Variants in PTPRR observed in about 807,000 individuals in gnomAD.
PTPRR encodes receptor-type tyrosine-protein phosphatase R.
In PTPRR, 38 loss-of-function variants were observed where a neutral mutation model predicts 77.2. That is an observed-to-expected ratio of 0.49 (90% CI 0.38 to 0.65). The LOEUF (loss-of-function observed/expected upper bound fraction) is 0.65. Among genes scored for constraint, PTPRR ranks in the 30% least tolerant of loss-of-function variants. The probability of loss-of-function intolerance (pLI) is 0.00; values close to 1 mark genes in which losing one functional copy is unlikely to be tolerated. For missense variants in PTPRR, 744 were observed against 799.2 expected (o/e 0.93, Z 0.83); for synonymous variants, 299 against 283.1 (o/e 1.06, Z -0.57).
In PTPRR at chr12:70,908,647, G is replaced by A. The variant is rs117069840; in HGVS notation, c.58+11686C>T. On this transcript the variant is annotated intron_variant, in intron 1 of 13. Coordinates refer to ENST00000283228, the MANE Select transcript of PTPRR (RefSeq NM_002849.4). The stretch of plus-strand genomic sequence containing the variant: ...GAACTACAATTCAAGATGAGACTTG[G>A]GTGAGGACACAGCCAAACCGTATCA... 2.9e-4 allele frequency among the ~76,000 whole-genome samples: 44 copies of A among 152,240 alleles called. No homozygotes were observed. In the East Asian group the frequency reaches 7.5e-3, roughly 26 times the overall value.
chr12:70,769,089 A>C (rs1455123856), intron 2 of PTPRR, among the ~76,000 whole-genome samples: 2 of 134,924 alleles, frequency 1.5e-5, no homozygotes, highest in Non-Finnish European at 3.1e-5. Flanking sequence ...ATTCCCTTTG[A>C]AAACTGGCAC....
intron 1 of PTPRR, among the ~76,000 whole-genome samples, chr12:70,902,363 A>G (rs894031600): frequency 1.3e-5 from 2 of 151,972 alleles, no homozygotes; most frequent in Admixed American, 6.6e-5. Flanking sequence ...ATACTTGCAA[A>G]CACACGTTTA....
intron 6 of PTPRR, among the ~76,000 whole-genome samples, chr12:70,701,869 A>G (rs1415127212): frequency 6.6e-6 from 1 of 152,096 alleles, no homozygotes; most frequent in Non-Finnish European, 1.5e-5. Flanking sequence ...GCTACTAGGG[A>G]GGCTGAGGTG....
chr12:70,655,032 T>A (rs74101521), intron 13 of PTPRR, among the ~76,000 whole-genome samples: 1 of 152,230 alleles, frequency 6.6e-6, no homozygotes, highest in African/African-American at 2.4e-5. Flanking sequence ...TGAAGCAGCA[T>A]CTGTCCACTT....
rs1482217664 is a variant in PTPRR at position 70,859,407 on chromosome 12, T to C, written c.357+33272A>G. ...AGGGTTGACAACTACTGACATAGAG[T>C]CCAAAGAGAAGTTGTTTGTTGTTAA... On this transcript the variant is annotated intron_variant, in intron 2 of 13. Transcript: ENST00000283228. Among the ~76,000 whole-genome samples, 4 of 152,058 alleles carry C rather than the reference T, an allele frequency of 2.6e-5. 1 individual carries two copies. Among genetic ancestry groups the C allele is most frequent in the Middle Eastern group, 6.8e-3 (2 of 294 alleles).
intron 2 of PTPRR, among the ~76,000 whole-genome samples, chr12:70,889,062 C>T (rs1000619165): frequency 2.6e-5 from 4 of 152,122 alleles, no homozygotes; most frequent in Non-Finnish European, 5.9e-5. Context: ...AAAGTGTTGG[C>T]ATTTGAACCA....
chr12:70,676,744 T>C (rs1285059326), intron 10 of PTPRR, among the ~76,000 whole-genome samples: 1 of 152,066 alleles, frequency 6.6e-6, no homozygotes, highest in Non-Finnish European at 1.5e-5. Flanking sequence ...CTGGGCTCTA[T>C]GTTCCATATT....
At chr12:70,733,752 T>C (rs536544763) in intron 6 of PTPRR, among the ~76,000 whole-genome samples, 6 of 152,222 alleles carry the variant, frequency 3.9e-5, no homozygotes, top group Non-Finnish European at 7.3e-5. Context: ...TATAAATAAA[T>C]TGAAGTGTAT....
At chr12:70,756,454 A>G (rs1209310066) in intron 4 of PTPRR, among the ~76,000 whole-genome samples, 3 of 152,264 alleles carry the variant, frequency 2.0e-5, no homozygotes, top group Non-Finnish European at 4.4e-5. Flanking sequence ...TCACAAATCA[A>G]AAGACTATAA....
At chr12:70,655,815 C>T (rs1886555113) in intron 13 of PTPRR, among the ~76,000 whole-genome samples, 1 of 152,124 alleles carries the variant, frequency 6.6e-6, no homozygotes. Flanking sequence ...GGTTGTACAA[C>T]AATGTGAATG....
chr12:70,678,743 A>G (rs1329173110), intron 10 of PTPRR, among the ~76,000 whole-genome samples: 1 of 152,064 alleles, frequency 6.6e-6, no homozygotes, highest in Non-Finnish European at 1.5e-5. Flanking sequence ...GTGCAGTGGC[A>G]TGATCTCAGC....
chr12:70,812,496 G>T (rs1383672057), intron 2 of PTPRR, among the ~76,000 whole-genome samples: 2 of 152,314 alleles, frequency 1.3e-5, no homozygotes, highest in East Asian at 3.9e-4. Context: ...CAAGGAATAG[G>T]TTTATTTTCT....
chr12:70,761,787 G>A (rs1054519715), intron 3 of PTPRR, among the ~76,000 whole-genome samples, 161 bp from the exon 4 acceptor site: 3 of 152,138 alleles, frequency 2.0e-5, no homozygotes, highest in African/African-American at 7.2e-5. Context: ...TAGACTTAAT[G>A]TTACCAGTCC....
intron 2 of PTPRR, among the ~76,000 whole-genome samples, chr12:70,794,116 T>C (rs1285724696): frequency 2.6e-5 from 4 of 152,210 alleles, no homozygotes; most frequent in Non-Finnish European, 4.4e-5. Flanking sequence ...ACTTTGTCTC[T>C]AGAATCCCCC....
intron 10 of PTPRR, among the ~76,000 whole-genome samples, chr12:70,677,999 A>G (rs538672436): frequency 6.6e-6 from 1 of 152,080 alleles, no homozygotes; most frequent in African/African-American, 2.4e-5. Context: ...TGTTTGGTAG[A>G]ATTCATTGGT....
At position 70,892,726 on chromosome 12, in the gene PTPRR, G is replaced by A. The variant is rs1175315105; in HGVS notation, c.310C>T (p.Leu104Phe). 6.2e-7 allele frequency: 1 copy of A among 1,613,296 alleles called. No homozygotes were observed. The highest frequency in any genetic ancestry group is 1.3e-5 in the African/African-American group (1 of 74,880). ...GGGATTGGGAGATTTTCCACTTCAA[G>A]ATCTTGACCATCCATGGCCAGCAGA... is the stretch of plus-strand genomic sequence containing the variant. The part of the protein sequence containing the change: ...LNLLAMDGQD[L>F]EVENLPIPAA... The change falls in exon 2 of 14, where the codon CTT becomes TTT. Residue 104 changes from leucine to phenylalanine, a missense_variant. This residue lies in a region of PTPRR where 570 missense variants were observed against 573.2 expected (regional missense o/e 0.99). Transcript: ENST00000283228.
At chr12:70,875,125 T>C (rs570468923) in intron 2 of PTPRR, among the ~76,000 whole-genome samples, 1 of 152,160 alleles carries the variant, frequency 6.6e-6, no homozygotes, top group East Asian at 1.9e-4. Flanking sequence ...CATGAAGTAA[T>C]ATGCACCATT....
chr12:70,719,630 T>C (rs559071987), intron 6 of PTPRR, among the ~76,000 whole-genome samples: 2 of 152,250 alleles, frequency 1.3e-5, no homozygotes, highest in Admixed American at 6.5e-5. Context: ...TCTGTATCAT[T>C]ACTAACAAGC....
rs995356958 is a variant in PTPRR, at chr12:70,698,312, T to C, written c.1232A>G (p.Asp411Gly). 8 of 1,612,980 alleles carry C rather than the reference T, an allele frequency of 5.0e-6. No homozygotes were observed. The African/African-American group carries it at 9.3e-5, about 19-fold the overall frequency. The change falls in exon 8 of 14, where the codon GAT (aspartate) becomes GGT (glycine). Residue 411 changes from aspartate to glycine, a missense_variant. Transcript: ENST00000283228. ...PMNFVDPKEI[D>G]IPRHGTKNRY... ...ATTTTTAGTTCCATGACGCGGAATA[T>C]CAATTTCTTTGGGATCCACAAAGTT... is the stretch of plus-strand genomic sequence containing the variant.
Sources: gnomAD v4.1 joint callset for allele counts (sites outside exome capture counted in the v4.1 genomes callset) on GRCh38, gnomAD v4.1.1 for gene constraint, gnomAD v4.1.1 regional missense constraint, MANE v1.5 for transcripts, NCBI Gene and HGNC (gene_info 2026-07-23, HGNC 2026-07-21) for gene names.